Variants in APP observed in about 807,000 individuals in gnomAD.
The protein encoded by APP is amyloid beta precursor protein.
A neutral mutation model predicts 101.4 loss-of-function variants in APP; 31 were observed. The observed-to-expected ratio is 0.31, with a 90% CI of 0.23 to 0.41. The LOEUF is 0.41. Ranked by LOEUF, APP falls within the 10% of genes least tolerant of loss-of-function variation. The probability of loss-of-function intolerance (pLI) is 1.00; values close to 1 mark genes in which losing one functional copy is unlikely to be tolerated. For synonymous variants in APP, 366 were observed against 364.4 expected (o/e 1.00, Z -0.05); for missense variants, 839 against 1,003.7 (o/e 0.84, Z 2.22).
intron 2 of APP, among the ~76,000 whole-genome samples, chr21:26,108,973 A>T (rs916240857): frequency 2.6e-5 from 4 of 152,226 alleles, no homozygotes; most frequent in African/African-American, 9.6e-5. Flanking sequence ...GCCCAAATCC[A>T]TTAAAATGGC....
At chr21:26,015,028 A>G (rs908604175) in intron 6 of APP, among the ~76,000 whole-genome samples, 2 of 152,236 alleles carry the variant, frequency 1.3e-5, no homozygotes, top group African/African-American at 4.8e-5. Context: ...TTAAGTGCAG[A>G]TATTTCAATA....
chr21:25,908,375 A>G (rs920590341), intron 14 of APP, among the ~76,000 whole-genome samples: 1 of 152,252 alleles, frequency 6.6e-6, no homozygotes, highest in African/African-American at 2.4e-5. Context: ...TTCTTAAGAA[A>G]AACAACAAAT....
At chr21:25,955,938 C>G (rs541639961) in intron 11 of APP, among the ~76,000 whole-genome samples, 183 bp from the exon 12 acceptor site, 10 of 152,130 alleles carry the variant, frequency 6.6e-5, no homozygotes, top group Middle Eastern at 3.2e-3. Context: ...TTACTTAGAT[C>G]GGCTGCTTTT....
chr21:25,991,721 G>C (rs2042872866), intron 8 of APP, among the ~76,000 whole-genome samples: 1 of 152,176 alleles, frequency 6.6e-6, no homozygotes, highest in South Asian at 2.1e-4. Context: ...ACACAGCCTT[G>C]TCTATTTGTT....
chr21:26,041,195 C>G (rs1003723341), intron 5 of APP, among the ~76,000 whole-genome samples: 3 of 152,188 alleles, frequency 2.0e-5, no homozygotes, highest in Non-Finnish European at 4.4e-5. Context: ...GTAAAGCCAA[C>G]AGTTTTTGGC....
chr21:25,900,638 C>A (rs2038396054), intron 15 of APP, among the ~76,000 whole-genome samples: 1 of 152,062 alleles, frequency 6.6e-6, no homozygotes. Flanking sequence ...AGAAAACTTT[C>A]TTGAACAGTT....
intron 13 of APP, among the ~76,000 whole-genome samples, chr21:25,949,136 T>G (rs2040955619): frequency 6.6e-6 from 1 of 152,166 alleles, no homozygotes; most frequent in Non-Finnish European, 1.5e-5. Flanking sequence ...CCTGGGAACT[T>G]GCACATAATA....
intron 3 of APP, among the ~76,000 whole-genome samples, chr21:26,068,522 G>A (rs1258605985): frequency 6.6e-6 from 1 of 151,994 alleles, no homozygotes. Flanking sequence ...AACATGCCTG[G>A]CTAATTTTTT....
chr21:25,953,002 C>A (rs1301329204), intron 13 of APP, among the ~76,000 whole-genome samples: 1 of 152,134 alleles, frequency 6.6e-6, no homozygotes, highest in Non-Finnish European at 1.5e-5. Context: ...ATGGTGTAGA[C>A]TAAAAACTCC....
intron 13 of APP, chr21:25,942,418 CT>C (rs2040614410): frequency 1.3e-5 from 2 of 152,134 alleles, no homozygotes; most frequent in Non-Finnish European, 2.9e-5. Context: ...GAGCTGAAAA[CT>C]AAGATTCTTT....
Position 26,061,072 on chromosome 21 carries a change from A to G in APP, c.356-7724T>C, listed in dbSNP as rs530318201. Among the ~76,000 whole-genome samples, 4 of 152,342 alleles carry G rather than the reference A, an allele frequency of 2.6e-5. 1 individual carries two copies. The highest frequency in any genetic ancestry group is 9.6e-5 in the African/African-American group (4 of 41,586). On this transcript the variant is annotated intron_variant, in intron 3 of 17. Transcript: ENST00000346798. ...AGGAAGGGGGCTCTGGCATTAATCC[A>G]GGTGGGAGATGACAATGACTTGGAC... is the stretch of plus-strand genomic sequence containing the variant.
At chr21:25,898,660 G>T (rs2038239894) in intron 15 of APP, among the ~76,000 whole-genome samples, 1 of 152,116 alleles carries the variant, frequency 6.6e-6, no homozygotes, top group Non-Finnish European at 1.5e-5. Flanking sequence ...CATGAAGCCA[G>T]AATCAGCTTC....
intron 1 of APP, among the ~76,000 whole-genome samples, chr21:26,114,236 G>A (rs2062387925): frequency 6.6e-6 from 1 of 152,086 alleles, no homozygotes; most frequent in South Asian, 2.1e-4. Flanking sequence ...CAATACAAAT[G>A]CACTTGATTC....
intron 17 of APP, among the ~76,000 whole-genome samples, chr21:25,889,110 G>A (rs1402925727): frequency 6.6e-6 from 1 of 152,150 alleles, no homozygotes; most frequent in East Asian, 1.9e-4. Flanking sequence ...GGGCTAAAAC[G>A]TGTCCCCCTA....
At chr21:25,961,578 T>C (rs1223176579) in intron 11 of APP, among the ~76,000 whole-genome samples, 1 of 152,152 alleles carries the variant, frequency 6.6e-6, no homozygotes, top group Admixed American at 6.5e-5. Context: ...AAAATACAAA[T>C]CCTCCAGGCT....
intron 1 of APP, among the ~76,000 whole-genome samples, chr21:26,134,456 T>C (rs923447939): frequency 6.6e-5 from 10 of 152,188 alleles, no homozygotes; most frequent in Non-Finnish European, 1.5e-4. Flanking sequence ...CTTGCTTACA[T>C]TCACCCATTT....
Position 25,885,639 on chromosome 21 carries a change from C to T in APP, c.2212-3868G>A, listed in dbSNP as rs142599087. On this transcript the variant is annotated intron_variant, in intron 17 of 17. Coordinates refer to ENST00000346798, the MANE Select transcript of APP (RefSeq NM_000484.4). ...CGCTGCACCTTCCTGAGACCTGGAC[C>T]CCTGCACTGCATGGTGGCATGGCTT... is the stretch of plus-strand genomic sequence containing the variant. 6.0e-4 allele frequency among the ~76,000 whole-genome samples: 91 copies of T among 152,224 alleles called. No homozygotes were observed. The East Asian group carries it at 0.014, about 24-fold the overall frequency.
At chr21:26,026,925 G>A (rs376905657) in intron 5 of APP, among the ~76,000 whole-genome samples, 1 of 152,172 alleles carries the variant, frequency 6.6e-6, no homozygotes. Flanking sequence ...TAATGGGAGA[G>A]GCTGTGCAAG....
intron 16 of APP, among the ~76,000 whole-genome samples, chr21:25,892,260 A>G (rs1052296206): frequency 3.9e-5 from 6 of 152,098 alleles, no homozygotes; most frequent in Non-Finnish European, 5.9e-5. Context: ...CAAAAGCTGG[A>G]AAGGCACGAT....
Sources: allele counts gnomAD v4.1 joint callset (sites outside exome capture counted in the v4.1 genomes callset), GRCh38; gene constraint gnomAD v4.1.1; transcripts MANE v1.5; gene names NCBI Gene and HGNC (gene_info 2026-07-23, HGNC 2026-07-21).